The following TPTE2 variants were observed in gnomAD, a reference collection of about 807,000 sequenced individuals.
The protein encoded by TPTE2 is transmembrane phosphoinositide 3-phosphatase and tensin homolog 2, also known as phosphatidylinositol 3,4,5-trisphosphate 3-phosphatase TPTE2.
A neutral mutation model predicts 78.6 loss-of-function variants in TPTE2; 53 were observed. That is an observed-to-expected ratio of 0.67 (90% CI 0.54 to 0.85). The LOEUF (loss-of-function observed/expected upper bound fraction) is 0.85. Ranked by LOEUF, TPTE2 falls within the 40% of genes least tolerant of loss-of-function variation. The probability of loss-of-function intolerance (pLI) is 0.00; values close to 1 mark genes in which losing one functional copy is unlikely to be tolerated. For synonymous variants in TPTE2, 175 were observed against 206.2 expected (o/e 0.85, Z 1.30); for missense variants, 461 against 623.0 (o/e 0.74, Z 2.77).
intron 1 of TPTE2, among the ~76,000 whole-genome samples, chr13:19,527,650 A>G (rs1482781411): frequency 3.3e-5 from 5 of 152,004 alleles, no homozygotes; most frequent in Admixed American, 1.3e-4. Context: ...CAAGGCAGGC[A>G]CATCACTTGA....
At chr13:19,528,609 T>A (rs1350393378) in intron 1 of TPTE2, among the ~76,000 whole-genome samples, 1 of 152,180 alleles carries the variant, frequency 6.6e-6, no homozygotes, top group African/African-American at 2.4e-5. Flanking sequence ...TTTACTCCCG[T>A]AGTAAGTAGG....
At chr13:19,561,003 C>T in the TPTE2 span, 3 of 1,577,476 alleles carry the variant, frequency 1.9e-6, no homozygotes, top group Admixed American at 1.8e-5. Flanking sequence ...TAGCCGGAGG[C>T]CACGTCCCCA....
chr13:19,457,852 T>G (rs1324967376), intron 10 of TPTE2, among the ~76,000 whole-genome samples: 1 of 152,200 alleles, frequency 6.6e-6, no homozygotes, highest in Non-Finnish European at 1.5e-5. Context: ...AGGAACCATC[T>G]TAAATACAAG....
At chr13:19,494,235 T>C (rs1260274532) in intron 1 of TPTE2, among the ~76,000 whole-genome samples, 1 of 152,162 alleles carries the variant, frequency 6.6e-6, no homozygotes, top group Non-Finnish European at 1.5e-5. Flanking sequence ...AGTTTCTTTT[T>C]TTCTAAACAA....
chr13:19,429,805 C>A (rs1286417993), intron 17 of TPTE2, among the ~76,000 whole-genome samples: 2 of 152,310 alleles, frequency 1.3e-5, no homozygotes, highest in Admixed American at 6.5e-5. Flanking sequence ...TGCTTTCTTA[C>A]TGTTTCAGAA....
At chr13:19,545,549 C>A in the TPTE2 span, among the ~76,000 whole-genome samples, 3 of 152,178 alleles carry the variant, frequency 2.0e-5, no homozygotes. Flanking sequence ...GTTCTCAGCA[C>A]GCAGCCAAAG....
At chr13:19,459,421 A>G (rs1044960638) in intron 10 of TPTE2, among the ~76,000 whole-genome samples, 5 of 152,162 alleles carry the variant, frequency 3.3e-5, no homozygotes, top group Admixed American at 3.3e-4. Context: ...TACCTGCAGG[A>G]GGTGGCTGGA....
chr13:19,462,209 G>A (rs1878965306), intron 10 of TPTE2, among the ~76,000 whole-genome samples: 1 of 151,714 alleles, frequency 6.6e-6, no homozygotes, highest in Non-Finnish European at 1.5e-5. Context: ...ATACTTTTGT[G>A]TGTTTTGACA....
intron 13 of TPTE2, among the ~76,000 whole-genome samples, chr13:19,442,447 T>A (rs368083272): frequency 2.4e-4 from 37 of 152,122 alleles, no homozygotes; most frequent in African/African-American, 8.7e-4. Context: ...GGAAAACTTG[T>A]AGCCTTAAAT....
intron 4 of TPTE2, among the ~76,000 whole-genome samples, chr13:19,480,326 G>A (rs1364874276): frequency 1.3e-5 from 2 of 152,184 alleles, no homozygotes; most frequent in African/African-American, 4.8e-5. Flanking sequence ...TTTTCATGCT[G>A]AGAAAACTAT....
At chr13:19,554,847 AG>A in the TPTE2 span, among the ~76,000 whole-genome samples, 1 of 152,160 alleles carries the variant, frequency 6.6e-6, no homozygotes, top group African/African-American at 2.4e-5. Context: ...CTAGATTTTA[AG>A]TATTTTGGCC....
At chr13:19,448,369 T>C (rs1321686926) in intron 13 of TPTE2, among the ~76,000 whole-genome samples, 1 of 152,042 alleles carries the variant, frequency 6.6e-6, no homozygotes, top group Admixed American at 6.6e-5. Flanking sequence ...AAAGGAAACA[T>C]TTATAGAGTA....
chr13:19,440,136 A>G (rs1877393422), intron 13 of TPTE2, among the ~76,000 whole-genome samples: 1 of 152,198 alleles, frequency 6.6e-6, no homozygotes, highest in Non-Finnish European at 1.5e-5. Flanking sequence ...GAGCATTACC[A>G]AGGCATATAC....
chr13:19,507,320 A>AAC (rs1215419109), upstream of TPTE2, among the ~76,000 whole-genome samples: 1 of 151,288 alleles, frequency 6.6e-6, no homozygotes, highest in Non-Finnish European at 1.5e-5. Context: ...AAAAAAAAAA[A>AAC]AAAAACACAT....
At chr13:19,436,229 A>G (rs1336937602) in exon 15 of TPTE2, 11 of 1,610,896 alleles carry the variant, frequency 6.8e-6, no homozygotes, top group Non-Finnish European at 9.3e-6. Context: ...AACTTACCTG[A>G]GAAGGAGTTT....
chr13:19,436,310 C>G lies in TPTE2; in HGVS notation c.1036-4G>C, dbSNP rs150240383. ...CTCCAAAATAATATAGGCTTTCCTA[C>G]AAAAAAGGGTACAATCCAACCATGG... On this transcript the variant is annotated splice_polypyrimidine_tract_variant and splice_region_variant and intron_variant, in intron 14 of 19. Coordinates refer to ENST00000400230, the Ensembl canonical transcript of TPTE2. 1.5e-3 allele frequency: 2,335 copies of G among 1,609,758 alleles called. 3 individuals are homozygous for G. The highest frequency in any genetic ancestry group is 1.6e-3 in the Non-Finnish European group (1,844 of 1,178,238).
At chr13:19,553,538 G>A in the TPTE2 span, among the ~76,000 whole-genome samples, 1 of 151,952 alleles carries the variant, frequency 6.6e-6, no homozygotes, top group Non-Finnish European at 1.5e-5. Flanking sequence ...TTGTAATCTG[G>A]GAAACAACCC....
chr13:19,529,120 AAAAT>A (rs776175237), intron 1 of TPTE2, among the ~76,000 whole-genome samples: 103 of 152,204 alleles, frequency 6.8e-4, no homozygotes, highest in Non-Finnish European at 5.0e-4. Context: ...AATCTGTCTC[AAAAT>A]AAATAAATAA....
upstream of TPTE2, among the ~76,000 whole-genome samples, chr13:19,508,009 C>T (rs1397230959): frequency 2.0e-5 from 3 of 152,146 alleles, no homozygotes; most frequent in Admixed American, 2.0e-4. Context: ...AGAGGAGTTG[C>T]CTGGTCAGTG....
Sources: gnomAD v4.1 joint callset for allele counts (sites outside exome capture counted in the v4.1 genomes callset) on GRCh38, gnomAD v4.1.1 for gene constraint, MANE v1.5 for transcripts, NCBI Gene and HGNC (gene_info 2026-07-23, HGNC 2026-07-21) for gene names.